The following NRG3 variants were observed in gnomAD, a reference collection of about 807,000 sequenced individuals.
The protein encoded by NRG3 is pro-neuregulin-3, membrane-bound isoform.
Under a neutral mutation model 66.9 loss-of-function variants are expected in NRG3, and 31 were observed. The ratio of observed to expected loss-of-function variants is 0.46; its 90% confidence interval spans 0.35 to 0.63. The LOEUF (loss-of-function observed/expected upper bound fraction) is 0.63. Ranked by LOEUF, NRG3 falls within the 20% of genes least tolerant of loss-of-function variation. NRG3 has a pLI of 0.00. For synonymous variants in NRG3, 393 were observed against 359.4 expected (o/e 1.09, Z -1.06); for missense variants, 910 against 878.9 (o/e 1.04, Z -0.45).
At chr10:82,639,236 C>T (rs1287541809) in intron 2 of NRG3, among the ~76,000 whole-genome samples, 2 of 151,960 alleles carry the variant, frequency 1.3e-5, no homozygotes, top group African/African-American at 2.4e-5. Context: ...CTAGTGAGAT[C>T]TCTGTGCTGC....
chr10:82,066,005 C>G (rs1465272409), intron 1 of NRG3, among the ~76,000 whole-genome samples: 1 of 152,020 alleles, frequency 6.6e-6, no homozygotes, highest in Non-Finnish European at 1.5e-5. Context: ...TTGTCTTAAC[C>G]TTTACTTTTA....
chr10:82,784,868 G>T (rs1474544943), intron 3 of NRG3, among the ~76,000 whole-genome samples: 1 of 152,028 alleles, frequency 6.6e-6, no homozygotes, highest in Non-Finnish European at 1.5e-5. Context: ...TATACCCAAA[G>T]GACTATAAAT....
At chr10:82,001,547 A>C (rs2061167747) in intron 1 of NRG3, among the ~76,000 whole-genome samples, 1 of 152,070 alleles carries the variant, frequency 6.6e-6, no homozygotes, top group Non-Finnish European at 1.5e-5. Context: ...GGAAAGAAGG[A>C]AAAAGAAGAG....
chr10:82,704,115 T>C (rs1400742454), intron 2 of NRG3, among the ~76,000 whole-genome samples: 1 of 152,180 alleles, frequency 6.6e-6, no homozygotes, highest in Admixed American at 6.6e-5. Flanking sequence ...ACTTCTATCA[T>C]TTGTTCCTTC....
At chr10:82,786,488 C>A (rs7894932) in intron 3 of NRG3, among the ~76,000 whole-genome samples, 3,213 of 152,182 alleles carry the variant, frequency 0.021, 122 homozygotes, top group African/African-American at 0.073. Flanking sequence ...GCCTGCCCCC[C>A]CATTGTGTTT....
chr10:82,065,050 T>A (rs1390162672), intron 1 of NRG3, among the ~76,000 whole-genome samples: 1 of 152,170 alleles, frequency 6.6e-6, no homozygotes, highest in East Asian at 1.9e-4. Flanking sequence ...AAATTTTCAT[T>A]TCATAACAAA....
intron 2 of NRG3, among the ~76,000 whole-genome samples, chr10:82,634,195 G>A (rs150425983): frequency 6.6e-6 from 1 of 152,238 alleles, no homozygotes; most frequent in Non-Finnish European, 1.5e-5. Context: ...AGGTAAAAGT[G>A]GAGTTATTTT....
intron 1 of NRG3, among the ~76,000 whole-genome samples, chr10:82,038,911 G>A (rs1384829587): frequency 6.6e-6 from 1 of 152,128 alleles, no homozygotes; most frequent in East Asian, 1.9e-4. Flanking sequence ...GTGAGGAAGA[G>A]AGAGGCCATG....
intron 1 of NRG3, chr10:82,224,222 C>G (rs1183726979): frequency 6.6e-6 from 1 of 152,126 alleles, no homozygotes; most frequent in Non-Finnish European, 1.5e-5. Context: ...TAGGAGGTGG[C>G]TAATACTTTA....
chr10:82,114,285 T>C (rs1393505639), intron 1 of NRG3, among the ~76,000 whole-genome samples: 1 of 152,196 alleles, frequency 6.6e-6, no homozygotes, highest in Admixed American at 6.6e-5. Context: ...GTAACATTAG[T>C]GTGCCAATTT....
rs780636289 is a variant in NRG3, at chr10:82,344,708, C to T, written c.824-14031C>T. The stretch of plus-strand genomic sequence containing the variant: ...GTGTAAAAGTGTTCCTATTTCTCCA[C>T]ATCCTCTCCAGCACCTGTTGTTTCC... On this transcript the variant is annotated intron_variant, in intron 1 of 8. Transcript: ENST00000372141. Among the ~76,000 whole-genome samples the T allele has an allele frequency of 2.7e-3, 337 of 124,374 alleles. 4 individuals carry two copies. Among genetic ancestry groups the T allele is most frequent in the Non-Finnish European group, 4.6e-3 (293 of 64,388 alleles). 81.6% of individuals were successfully genotyped at this position (124,374 alleles called of 152,430 possible). A position where few individuals can be genotyped will look rare whatever the true frequency, so the allele number is the denominator to read the frequency against.
chr10:82,324,191 G>A (rs1241878184), intron 1 of NRG3, among the ~76,000 whole-genome samples: 2 of 152,126 alleles, frequency 1.3e-5, no homozygotes, highest in Non-Finnish European at 2.9e-5. Context: ...TCATCAAAGT[G>A]TTTGTTGGTG....
intron 2 of NRG3, among the ~76,000 whole-genome samples, chr10:82,368,597 A>C (rs990869098): frequency 7.3e-6 from 1 of 137,844 alleles, no homozygotes; most frequent in Non-Finnish European, 1.5e-5. Flanking sequence ...GAACTGCCTC[A>C]CCAGGCACCT....
chr10:81,967,471 G>A (rs1484894197), intron 1 of NRG3, among the ~76,000 whole-genome samples: 2 of 151,770 alleles, frequency 1.3e-5, no homozygotes, highest in East Asian at 1.9e-4. Flanking sequence ...TGTTCTATAT[G>A]TGTTTGAAAA....
intron 2 of NRG3, among the ~76,000 whole-genome samples, chr10:82,385,307 G>A (rs933148954): frequency 6.6e-6 from 1 of 152,024 alleles, no homozygotes; most frequent in Non-Finnish European, 1.5e-5. Flanking sequence ...CTGTGCAGAA[G>A]CTCTTTAGTT....
At chr10:82,709,146 A>G (rs2056497756) in intron 2 of NRG3, among the ~76,000 whole-genome samples, 1 of 152,164 alleles carries the variant, frequency 6.6e-6, no homozygotes, top group Admixed American at 6.5e-5. Flanking sequence ...ATTGATGAAT[A>G]TGTAAGTTGA....
chr10:82,445,442 G>T (rs1289149933), intron 2 of NRG3, among the ~76,000 whole-genome samples: 1 of 152,160 alleles, frequency 6.6e-6, no homozygotes, highest in Non-Finnish European at 1.5e-5. Flanking sequence ...ATGTTAGCAT[G>T]TCACTTCTAT....
chr10:82,525,419 C>A (rs1846604156), intron 2 of NRG3, among the ~76,000 whole-genome samples: 1 of 151,024 alleles, frequency 6.6e-6, no homozygotes, highest in African/African-American at 2.5e-5. Flanking sequence ...AATGAATAAT[C>A]CTGGAGAAGA....
At position 82,985,261 on chromosome 10, in the gene NRG3, G is replaced by C. The variant is rs1285125736; in HGVS notation, c.1747G>C (p.Glu583Gln). Residue 583 changes from glutamate (E) to glutamine (Q), a missense_variant, in exon 9 of 9, where the codon GAG becomes CAG. Transcript: ENST00000372141. ...SVPIIPSVGL[E>Q]ETCLQMPGIS... is the part of the protein sequence containing the mutation. ...GCCCATCATCCCTTCAGTGGGTTTA[G>C]AGGAAACCTGCCTGCAAATGCCAGG... 6.2e-7 allele frequency: 1 copy of C among 1,614,138 alleles called. No individual in the cohort carries two copies. The highest frequency in any genetic ancestry group is 2.2e-5 in the East Asian group (1 of 44,878).
Sources: allele counts gnomAD v4.1 joint callset (sites outside exome capture counted in the v4.1 genomes callset), GRCh38; gene constraint gnomAD v4.1.1; transcripts MANE v1.5; gene names NCBI Gene and HGNC (gene_info 2026-07-23, HGNC 2026-07-21).